Variants in ADAM32 observed in about 807,000 individuals in gnomAD.
ADAM32 encodes the protein disintegrin and metalloproteinase domain-containing protein 32.
In ADAM32, 89 loss-of-function variants were observed where a neutral mutation model predicts 114.9. That is an observed-to-expected ratio of 0.77 (90% CI 0.65 to 0.92). The LOEUF (loss-of-function observed/expected upper bound fraction) is 0.92, where lower values mean the gene tolerates loss of function less well. Ranked by LOEUF, ADAM32 falls within the 40% of genes least tolerant of loss-of-function variation. The pLI is 0.00. For missense variants in ADAM32, 870 were observed against 932.8 expected (o/e 0.93, Z 0.88); for synonymous variants, 285 against 307.5 (o/e 0.93, Z 0.77).
chr8:39,202,594 A>AT (rs1327384956), intron 11 of ADAM32, among the ~76,000 whole-genome samples: 1 of 152,034 alleles, frequency 6.6e-6, no homozygotes, highest in East Asian at 1.9e-4. Context: ...GGATTCATTG[A>AT]TTTTTTTGAA....
At chr8:39,213,256 A>G (rs1219343524) in intron 12 of ADAM32, among the ~76,000 whole-genome samples, 3 of 152,112 alleles carry the variant, frequency 2.0e-5, no homozygotes, top group African/African-American at 7.2e-5. Context: ...TGATACCTGT[A>G]TAGAATGCGT....
intron 17 of ADAM32, among the ~76,000 whole-genome samples, chr8:39,251,904 G>T (rs1284917050): frequency 1.3e-5 from 2 of 151,800 alleles, no homozygotes; most frequent in Admixed American, 6.6e-5. Flanking sequence ...CACAGTGAAA[G>T]ATAATGATCA....
chr8:39,179,259 C>T (rs1225944358), intron 10 of ADAM32, among the ~76,000 whole-genome samples: 1 of 152,178 alleles, frequency 6.6e-6, no homozygotes, highest in Non-Finnish European at 1.5e-5. Flanking sequence ...CAACTTGAAG[C>T]ACAGAGATGT....
intron 12 of ADAM32, chr8:39,221,015 C>G (rs1486465226): frequency 6.7e-6 from 1 of 149,790 alleles, no homozygotes; most frequent in Non-Finnish European, 1.5e-5. Context: ...GTTGAATTGT[C>G]CAGGTATTAT....
At chr8:39,133,273 TC>T (rs1268772039) in intron 2 of ADAM32, among the ~76,000 whole-genome samples, 1 of 152,168 alleles carries the variant, frequency 6.6e-6, no homozygotes, top group Non-Finnish European at 1.5e-5. Flanking sequence ...TGTGATCTGC[TC>T]CCCTTTACCT....
At chr8:39,261,946 T>C (rs1053084333) in intron 19 of ADAM32, among the ~76,000 whole-genome samples, 4 of 152,192 alleles carry the variant, frequency 2.6e-5, no homozygotes, top group African/African-American at 9.7e-5. Context: ...ATATTCTTGG[T>C]ATTAATCCAG....
At chr8:39,143,671 G>T (rs1803322059) in intron 3 of ADAM32, among the ~76,000 whole-genome samples, 1 of 152,164 alleles carries the variant, frequency 6.6e-6, no homozygotes, top group Non-Finnish European at 1.5e-5. Flanking sequence ...GGGGGTCAGG[G>T]ACCCACTTGA....
chr8:39,262,677 C>T (rs1432361236), intron 19 of ADAM32, among the ~76,000 whole-genome samples: 1 of 151,324 alleles, frequency 6.6e-6, no homozygotes, highest in Non-Finnish European at 1.5e-5. Flanking sequence ...TTCTCCCTCT[C>T]TCTCTTTCAC....
chr8:39,208,646 G>C (rs779110194), intron 11 of ADAM32, among the ~76,000 whole-genome samples: 13 of 152,118 alleles, frequency 8.5e-5, no homozygotes, highest in Non-Finnish European at 1.6e-4. Context: ...CATTTTTAAG[G>C]ATAGTTTTCC....
At chr8:39,170,100 G>C (rs1805098541) in intron 10 of ADAM32, 103 bp downstream of exon 10, 5 of 891,042 alleles carry the variant, frequency 5.6e-6, no homozygotes, top group Non-Finnish European at 8.1e-6. Context: ...TCCATTTACA[G>C]ATTGCATTTT....
chr8:39,248,312 T>C (rs1191400309), intron 17 of ADAM32, among the ~76,000 whole-genome samples: 1 of 152,234 alleles, frequency 6.6e-6, no homozygotes, highest in Non-Finnish European at 1.5e-5. Flanking sequence ...TGAGTCTTTC[T>C]ATCCATTCAC....
chr8:39,214,917 T>TG (rs1808463097), intron 12 of ADAM32, among the ~76,000 whole-genome samples: 1 of 152,084 alleles, frequency 6.6e-6, no homozygotes, highest in African/African-American at 2.4e-5. Flanking sequence ...GGATATCCAG[T>TG]TTTCTCAGCA....
chr8:39,206,720 A>G (rs534111935), intron 11 of ADAM32, among the ~76,000 whole-genome samples: 1 of 152,274 alleles, frequency 6.6e-6, no homozygotes, highest in East Asian at 1.9e-4. Flanking sequence ...TGGAGACACA[A>G]CTACATTCCT....
At chr8:39,193,632 T>C (rs187331249) in intron 11 of ADAM32, among the ~76,000 whole-genome samples, 1 of 152,294 alleles carries the variant, frequency 6.6e-6, no homozygotes, top group East Asian at 1.9e-4. Flanking sequence ...TGTGGGCTGG[T>C]GTTCCTTCAA....
Position 39,257,214 on chromosome 8 carries a change from A to G in ADAM32, c.2033A>G (p.Lys678Arg). The change falls in exon 19 of 25, where the codon AAG becomes AGG. Residue 678 changes from lysine (K) to arginine (R), a missense_variant. By Grantham distance (26) the Lys-to-Arg change is conservative. Coordinates refer to ENST00000379907, the MANE Select transcript of ADAM32 (RefSeq NM_145004.7). ...TCAATCATGGAAAGAGCATCTGGGA[A>G]GACTGAAAACACCTGGCTTCTAGGT... The part of the protein sequence containing the change: ...MGSIMERASG[K>R]TENTWLLGFL... The G allele has an allele frequency of 6.2e-7, 1 of 1,607,448 alleles. No individual in the cohort carries two copies. Among genetic ancestry groups the G allele is most frequent in the East Asian group, 2.2e-5 (1 of 44,710 alleles).
chr8:39,245,309 G>A (rs1810833775), intron 16 of ADAM32, among the ~76,000 whole-genome samples: 1 of 152,108 alleles, frequency 6.6e-6, no homozygotes, highest in African/African-American at 2.4e-5. Context: ...TGGGGGGAAG[G>A]GTGGGAGGCA....
At chr8:39,109,157 CAA>C (rs1717424091) in intron 1 of ADAM32, among the ~76,000 whole-genome samples, 1 of 152,140 alleles carries the variant, frequency 6.6e-6, no homozygotes, top group Admixed American at 6.5e-5. Flanking sequence ...TTGAGATTCT[CAA>C]AGAGCTTTTG....
chr8:39,173,116 G>T (rs1805297783), intron 10 of ADAM32, among the ~76,000 whole-genome samples: 1 of 152,184 alleles, frequency 6.6e-6, no homozygotes, highest in African/African-American at 2.4e-5. Context: ...AAATTAGCCA[G>T]GCATGGTGGC....
At chr8:39,280,005 C>T (rs114173818) in intron 22 of ADAM32, among the ~76,000 whole-genome samples, 79 of 152,262 alleles carry the variant, frequency 5.2e-4, no homozygotes, top group African/African-American at 1.8e-3. Flanking sequence ...GTCTGCACTG[C>T]GTGGTGCAGG....
Sources: gnomAD v4.1 joint callset for allele counts (sites outside exome capture counted in the v4.1 genomes callset) on GRCh38, gnomAD v4.1.1 for gene constraint, MANE v1.5 for transcripts, NCBI Gene and HGNC (gene_info 2026-07-23, HGNC 2026-07-21) for gene names.